Variants in CRISP3 observed in about 807,000 individuals in gnomAD.
CRISP3 encodes cysteine-rich secretory protein 3.
In CRISP3, 33 loss-of-function variants were observed where a neutral mutation model predicts 36.1. The observed-to-expected ratio is 0.91, with a 90% CI of 0.69 to 1.22. CRISP3 has a LOEUF of 1.22. Ranked by LOEUF, CRISP3 falls within the 50% of genes most tolerant of loss-of-function variation. The pLI, the probability that CRISP3 is intolerant of heterozygous loss-of-function variation, is 0.00. For synonymous variants in CRISP3, 117 were observed against 104.6 expected (o/e 1.12, Z -0.72); for missense variants, 330 against 301.2 (o/e 1.10, Z -0.71).
At chr6:49,740,510 T>G (rs1769171030) in intron 1 of CRISP3, among the ~76,000 whole-genome samples, 1 of 150,808 alleles carries the variant, frequency 6.6e-6, no homozygotes, top group East Asian at 2.0e-4. Flanking sequence ...AAGAAAATAC[T>G]GAAAAGATAG....
At chr6:49,735,716 T>G (rs1445035956) in intron 3 of CRISP3, 125 bp from the exon 4 acceptor site, 3 of 602,604 alleles carry the variant, frequency 5.0e-6, no homozygotes, top group Middle Eastern at 2.7e-4. Context: ...ATCTTCTGAT[T>G]TTTATAGTAA....
At chr6:49,741,782 G>A (rs1438368552) in intron 1 of CRISP3, among the ~76,000 whole-genome samples, 1 of 147,308 alleles carries the variant, frequency 6.8e-6, no homozygotes, top group African/African-American at 2.5e-5. Flanking sequence ...ATTTAACACA[G>A]TACTGGAGAG....
At chr6:49,742,674 A>G (rs1435019567) in intron 1 of CRISP3, among the ~76,000 whole-genome samples, 2 of 151,854 alleles carry the variant, frequency 1.3e-5, no homozygotes, top group African/African-American at 4.8e-5. Flanking sequence ...GAAAAAGAAA[A>G]AAAAGAAAGA....
intron 1 of CRISP3, among the ~76,000 whole-genome samples, 199 bp downstream of exon 1, chr6:49,744,132 A>T (rs374380229): frequency 3.3e-5 from 5 of 152,178 alleles, no homozygotes; most frequent in African/African-American, 1.2e-4. Context: ...TTTTGGAATA[A>T]TAAAGCTGTC....
intron 4 of CRISP3, among the ~76,000 whole-genome samples, 177 bp from the exon 5 acceptor site, chr6:49,734,025 T>C (rs138786566): frequency 2.3e-3 from 351 of 152,298 alleles, no homozygotes; most frequent in Non-Finnish European, 3.0e-3. Context: ...CCTTATCAGC[T>C]ATAAGCTGAA....
chr6:49,734,085 T>A (rs1426146772), intron 4 of CRISP3, among the ~76,000 whole-genome samples: 1 of 152,132 alleles, frequency 6.6e-6, no homozygotes, highest in East Asian at 1.9e-4. Context: ...CATGCAAAAC[T>A]TTGAGTAGAT....
rs765025934 is a variant in CRISP3, at chr6:49,728,826, A to G, written c.681T>C (p.Ser227=). 1.9e-6 allele frequency: 3 copies of G among 1,612,434 alleles called. No homozygotes were observed. The change falls in exon 8 of 8, where the codon AGT becomes AGC. Residue 227 remains serine (S), a synonymous_variant. Transcript: ENST00000263045. ...TNGCKYEDLY[S]NCKSLKLTLT... ...ATGTGAGCTTCAAACTTTTACAGTT[A>G]CTATAGAGATCTTCGTACTTGCAAC...
chr6:49,736,763 G>C (rs571628668), intron 2 of CRISP3, among the ~76,000 whole-genome samples: 97 of 152,286 alleles, frequency 6.4e-4, no homozygotes, highest in African/African-American at 2.2e-3. Flanking sequence ...TCTGGGTTAA[G>C]AGAGGTCTTA....
At chr6:49,731,407 A>G (rs1051068276) in intron 6 of CRISP3, among the ~76,000 whole-genome samples, 156 bp from the exon 7 acceptor site, 2 of 152,238 alleles carry the variant, frequency 1.3e-5, no homozygotes, top group Non-Finnish European at 2.9e-5. Context: ...TATTCAGACA[A>G]TAATGCAAAT....
At chr6:49,729,423 A>G (rs1326594321) in intron 7 of CRISP3, among the ~76,000 whole-genome samples, 1 of 152,112 alleles carries the variant, frequency 6.6e-6, no homozygotes, top group African/African-American at 2.4e-5. Context: ...AGGAAGATGT[A>G]AATGTATAAT....
rs1169914758 is a variant in CRISP3 at position 49,737,254 on chromosome 6, G to T, written c.111+71C>A. On this transcript the variant is annotated intron_variant, in intron 2 of 7. Transcript: ENST00000263045. ...CACTCTAGACCTTTTCACTTTTGAAGATTGATCTAGTAGCTTGCCATCCCT... is the reference window on the plus strand; with the variant it reads ...CACTCTAGACCTTTTCACTTTTGAATATTGATCTAGTAGCTTGCCATCCCT... The T allele has an allele frequency of 5.8e-6, 7 of 1,199,584 alleles. No homozygotes were observed. In the East Asian group the frequency reaches 7.0e-5, roughly 12 times the overall value. 74.3% of individuals were successfully genotyped at this position (1,199,584 alleles called of 1,614,324 possible).
intron 4 of CRISP3, among the ~76,000 whole-genome samples, chr6:49,734,651 A>T (rs1008264890): frequency 7.2e-5 from 11 of 152,134 alleles, no homozygotes; most frequent in African/African-American, 2.7e-4. Context: ...TTTCAAGACC[A>T]TTTCTTTCAA....
rs1455394130 is a variant in CRISP3 at position 49,731,166 on chromosome 6, A to G, written c.646T>C (p.Cys216Arg). ...AAGTTAATCACTTCAAACTTACTGC[A>G]TAGTCCATCGTCACAGTTATCTGGG... ...SCPDNCDDGL[C>R]TNGCKYEDLY... The change falls in exon 7 of 8, where the codon TGC (cysteine) becomes CGC (arginine). Residue 216 changes from cysteine to arginine, a missense_variant. By Grantham distance (180) the Cys-to-Arg change is radical. Transcript: ENST00000263045. The G allele has an allele frequency of 1.3e-6, 2 of 1,596,262 alleles. No homozygotes were observed. Among genetic ancestry groups the G allele is most frequent in the East Asian group, 2.2e-5 (1 of 44,502 alleles).
intron 1 of CRISP3, among the ~76,000 whole-genome samples, chr6:49,743,006 T>G (rs932934204): frequency 6.6e-6 from 1 of 152,236 alleles, no homozygotes; most frequent in Non-Finnish European, 1.5e-5. Context: ...TTACTTAAAA[T>G]TTAATAGTTA....
intron 7 of CRISP3, 118 bp downstream of exon 7, chr6:49,731,045 T>A (rs1489393295): frequency 4.5e-6 from 3 of 670,802 alleles, no homozygotes; most frequent in Non-Finnish European, 7.4e-6. Context: ...GACTTTTTTT[T>A]CCTTTTTGTC....
intron 7 of CRISP3, among the ~76,000 whole-genome samples, 179 bp from the exon 8 acceptor site, chr6:49,729,036 T>C (rs1768848626): frequency 6.6e-6 from 1 of 152,142 alleles, no homozygotes; most frequent in Admixed American, 6.5e-5. Context: ...GTAAACACGC[T>C]GATTCTTTTT....
rs757532342 is a variant in CRISP3, at chr6:49,737,363, CA to C, written c.72del (p.Ala25LeufsTer21). 1 of 1,613,876 alleles carries C rather than the reference CA, an allele frequency of 6.2e-7. No homozygotes were observed. Among genetic ancestry groups the C allele is most frequent in the East Asian group, 2.2e-5 (1 of 44,872 alleles). On this transcript the variant is annotated frameshift_variant, in exon 2 of 8. Coordinates refer to ENST00000263045, the MANE Select transcript of CRISP3 (RefSeq NM_006061.4). LOFTEE classifies it high-confidence loss of function. ...GCTGGAAAAGATGGAAGCAGCCCAG[CA>C]ACCAGGAACAACAGCACTGGGAATA... ...MTLFPVLLFLVAGLLPSFPAN... is the reference protein window; with the variant it reads ...MTLFPVLLFLXAGLLPSFPAN...
intron 6 of CRISP3, among the ~76,000 whole-genome samples, chr6:49,732,504 G>T (rs1561907062): frequency 6.6e-6 from 1 of 151,780 alleles, no homozygotes; most frequent in Non-Finnish European, 1.5e-5. Flanking sequence ...TTTTTTTCGT[G>T]AGTAGGTCAA....
chr6:49,733,412 C>A, intron 5 of CRISP3, 120 bp from the exon 6 acceptor site: 1 of 692,362 alleles, frequency 1.4e-6, no homozygotes, highest in Admixed American at 2.9e-5. Context: ...TTTCATATAC[C>A]TTATGGCTAT....
Sources: gnomAD v4.1 joint callset for allele counts (sites outside exome capture counted in the v4.1 genomes callset) on GRCh38, gnomAD v4.1.1 for gene constraint, MANE v1.5 for transcripts, NCBI Gene and HGNC (gene_info 2026-07-23, HGNC 2026-07-21) for gene names.